The following MYO7B variants were observed in gnomAD, a reference collection of about 807,000 sequenced individuals.
The protein encoded by MYO7B is myosin VIIB.
A neutral mutation model predicts 259.7 loss-of-function variants in MYO7B; 212 were observed. The ratio of observed to expected loss-of-function variants is 0.82; its 90% CI spans 0.73 to 0.91. The LOEUF (loss-of-function observed/expected upper bound fraction) is 0.91, where lower values mean the gene tolerates loss of function less well. MYO7B is among the 40% of genes least tolerant of loss of function. The pLI is 0.00. For missense variants in MYO7B, 2,732 were observed against 2,813.5 expected, an observed-to-expected ratio of 0.97 and a Z score of 0.66; for synonymous variants, 1,197 against 1,166.4, an observed-to-expected ratio of 1.03 and a Z score of -0.54.
Position 127,609,364 on chromosome 2 carries a change from G to A in MYO7B, c.2815-142G>A. 4 of 741,816 alleles carry A rather than the reference G, an allele frequency of 5.4e-6. No homozygotes were observed. Among genetic ancestry groups the A allele is most frequent in the Non-Finnish European group, 9.0e-6 (4 of 444,164 alleles). 46.0% of individuals were successfully genotyped at this position (741,816 alleles called of 1,614,324 possible). On this transcript the variant is annotated intron_variant, in intron 22 of 47. Coordinates refer to ENST00000409816, the MANE Select transcript of MYO7B (RefSeq NM_001393586.1). This position sits in a 1 kb window ranked among gnomAD's most constrained non-coding sequence, Gnocchi z 6.9. The stretch of plus-strand genomic sequence containing the variant: ...GGCAGCCCACCTGAGCCCACTGAAT[G>A]TGGGGATGGGTGGTCTCCAGCACCT...
Position 127,588,518 on chromosome 2 carries a change from C to T in MYO7B, c.1817C>T (p.Thr606Ile). 1 of 1,613,262 alleles carries T rather than the reference C, an allele frequency of 6.2e-7. No homozygotes were observed. Among genetic ancestry groups the T allele is most frequent in the Non-Finnish European group, 8.5e-7 (1 of 1,179,850 alleles). Residue 606 changes from threonine to isoleucine, a missense_variant, in exon 15 of 48, where the codon ACC becomes ATC. This residue lies in a region of MYO7B where 1,906 missense variants were observed against 2,026.4 expected (regional missense o/e 0.94). Coordinates refer to ENST00000409816, the MANE Select transcript of MYO7B (RefSeq NM_001393586.1). ...ELAETKLGHG[T>I]IRQAKAGNHL... ...GCAGAGACCAAGCTGGGCCATGGGACCATCCGCCAGGCAAAGGCAGGAAAC... is the reference window on the plus strand; with the variant it reads ...GCAGAGACCAAGCTGGGCCATGGGATCATCCGCCAGGCAAAGGCAGGAAAC...
chr2:127,602,549 G>T (rs1427905970), intron 19 of MYO7B, among the ~76,000 whole-genome samples: 2 of 152,074 alleles, frequency 1.3e-5, no homozygotes, highest in Non-Finnish European at 1.5e-5. Flanking sequence ...TATTTGGGAG[G>T]CTGAGGTGGA....
chr2:127,583,650 C>A (rs1229593962), intron 12 of MYO7B, among the ~76,000 whole-genome samples: 1 of 152,124 alleles, frequency 6.6e-6, no homozygotes, highest in East Asian at 1.9e-4. Context: ...GGAGGAAGTG[C>A]AGGTTGGAGT....
chr2:127,634,708 G>T (rs747873299), intron 42 of MYO7B, 25 bp downstream of exon 42: 2 of 1,593,936 alleles, frequency 1.3e-6, no homozygotes, highest in African/African-American at 1.4e-5. Flanking sequence ...GTGGAGCTGG[G>T]GGAGGGCGTG....
At position 127,625,407 on chromosome 2, in the gene MYO7B, G is replaced by A. The variant is rs760860620; in HGVS notation, c.4087G>A (p.Val1363Met). The A allele has an allele frequency of 1.7e-5, 27 of 1,606,790 alleles. No homozygotes were observed. Among genetic ancestry groups the A allele is most frequent in the African/African-American group, 5.4e-5 (4 of 74,712 alleles). Residue 1363 changes from valine to methionine, a missense_variant, in exon 31 of 48, where the codon GTG becomes ATG. Physicochemically the swap from Val to Met is conservative, Grantham distance 21. Around this residue, in one of 3 missense-constraint regions of MYO7B, gnomAD observed 1,906 missense variants for 2,026.4 expected, o/e 0.94. Transcript: ENST00000409816. ...LVELLARHCY[V>M]QLGASAESKA... is the part of the protein sequence containing the mutation. ...TGAGCTGCTGGCCCGGCACTGCTAC[G>A]TGCAGCTCGGCGCCTCAGCAGAGAG...
chr2:127,630,683 C>A (rs1030564677), intron 35 of MYO7B, 95 bp from the exon 36 acceptor site: 3 of 1,559,998 alleles, frequency 1.9e-6, no homozygotes, highest in Non-Finnish European at 2.6e-6. Flanking sequence ...CCTGACCCCT[C>A]CCAAGTCACT....
At chr2:127,608,453 G>A (rs1469965297) in intron 21 of MYO7B, among the ~76,000 whole-genome samples, 2 of 152,214 alleles carry the variant, frequency 1.3e-5, no homozygotes, top group Non-Finnish European at 2.9e-5. Flanking sequence ...GCCATCTGAG[G>A]GTAGGGACAA....
chr2:127,584,796 C>T lies in MYO7B; in HGVS notation c.1573C>T (p.Leu525=). The part of the protein sequence containing the change: ...RFPQGTDLTM[L]QKLNSVHANN... ...CTTCCAGGGGACAGATCTCACCATG[C>T]TGCAAAAGCTGAACAGCGTCCATGC... Residue 525 remains leucine, a synonymous_variant, in exon 14 of 48, where the codon CTG becomes TTG. Coordinates refer to ENST00000409816, the MANE Select transcript of MYO7B (RefSeq NM_001393586.1). The surrounding 1 kb of genome is among the most constrained non-coding windows in gnomAD (Gnocchi z 5.8). 1 of 1,613,956 alleles carries T rather than the reference C, an allele frequency of 6.2e-7. No individual in the cohort carries two copies. Among genetic ancestry groups the T allele is most frequent in the South Asian group, 1.1e-5 (1 of 91,086 alleles).
rs1303173378 is a variant in MYO7B, at chr2:127,632,297, C to A, written c.5301C>A (p.Phe1767Leu). 1 of 1,611,692 alleles carries A rather than the reference C, an allele frequency of 6.2e-7. No individual in the cohort carries two copies. Among genetic ancestry groups the A allele is most frequent in the East Asian group, 2.2e-5 (1 of 44,854 alleles). The change falls in exon 39 of 48, where the codon TTC becomes TTA. Residue 1767 changes from phenylalanine (F) to leucine (L), a missense_variant. By Grantham distance (22) the Phe-to-Leu change is conservative. Coordinates refer to ENST00000409816, the MANE Select transcript of MYO7B (RefSeq NM_001393586.1). ...WQLLWLCTGL[F>L]PPSKGLLPHA... ...TGCTGTGGCTGTGCACGGGCCTCTT[C>A]CCGCCCAGCAAGGGGCTGCTGCCCC...
At chr2:127,623,595 C>G (rs1002685793) in intron 29 of MYO7B, among the ~76,000 whole-genome samples, 1 of 152,174 alleles carries the variant, frequency 6.6e-6, no homozygotes, top group African/African-American at 2.4e-5. Context: ...CTTGCAGCTG[C>G]GCCTCAGCCC....
Position 127,578,188 on chromosome 2 carries a change from G to C in MYO7B, c.905G>C (p.Arg302Pro). ...LNDAKDYAHIRSAMKILQFSD... is the reference protein window; with the variant it reads ...LNDAKDYAHIPSAMKILQFSD... ...GACGCCAAGGACTACGCCCACATCC[G>C]CTCGGCCATGAAGATCCTCCAGTTC... The change falls in exon 9 of 48, where the codon CGC (arginine) becomes CCC (proline). Residue 302 changes from arginine (R) to proline (P), a missense_variant. Arg to Pro is a moderately radical substitution (Grantham distance 103). This residue lies in a region of MYO7B where 1,906 missense variants were observed against 2,026.4 expected (regional missense o/e 0.94). Coordinates refer to ENST00000409816, the MANE Select transcript of MYO7B (RefSeq NM_001393586.1). 1 of 1,613,778 alleles carries C rather than the reference G, an allele frequency of 6.2e-7. No homozygotes were observed. The highest frequency in any genetic ancestry group is 1.3e-5 in the African/African-American group (1 of 75,010).
Position 127,573,948 on chromosome 2 carries a change from C to G in MYO7B, c.621C>G (p.Asn207Lys). Residue 207 changes from asparagine (N) to lysine (K), a missense_variant, in exon 7 of 48, where the codon AAC becomes AAG. By Grantham distance (94) the Asn-to-Lys change is moderately conservative (BLOSUM62 0). This residue lies in a region of MYO7B where 1,906 missense variants were observed against 2,026.4 expected (regional missense o/e 0.94). Coordinates refer to ENST00000409816, the MANE Select transcript of MYO7B (RefSeq NM_001393586.1). ...EAFGNAKTIR[N>K]DNSSRFGKYI... ...TTGGAAATGCCAAGACAATCCGCAA[C>G]GACAACTCAAGCCGCTTTGGGAAGT... 6.2e-7 allele frequency: 1 copy of G among 1,614,058 alleles called. No individual in the cohort carries two copies. The highest frequency in any genetic ancestry group is 8.5e-7 in the Non-Finnish European group (1 of 1,179,892).
At position 127,597,808 on chromosome 2, in the gene MYO7B, T is replaced by C. The variant is rs2104995113; in HGVS notation, c.2339+1252T>C. 6.6e-6 allele frequency among the ~76,000 whole-genome samples: 1 copy of C among 152,014 alleles called. No individual in the cohort carries two copies. Among genetic ancestry groups the C allele is most frequent in the Admixed American group, 6.6e-5 (1 of 15,250 alleles). ...GCCCGCCACCATGCCTGGCTAATTA[T>C]TGTATTTTTTGTAGAGATGGGGTTT... is the stretch of plus-strand genomic sequence containing the variant. On this transcript the variant is annotated intron_variant, in intron 19 of 47. Coordinates refer to ENST00000409816, the MANE Select transcript of MYO7B (RefSeq NM_001393586.1). The surrounding 1 kb of genome is among the most constrained non-coding windows in gnomAD (Gnocchi z 4.8).
At chr2:127,538,475 C>T (rs1305632061) in intron 1 of MYO7B, among the ~76,000 whole-genome samples, 1 of 152,126 alleles carries the variant, frequency 6.6e-6, no homozygotes, top group Non-Finnish European at 1.5e-5. Context: ...ACAGTGCAAC[C>T]TAGAGGGTCT....
In MYO7B at chr2:127,584,201, G is replaced by C. The variant is rs956866460; in HGVS notation, c.1423G>C (p.Glu475Gln). 6.2e-7 allele frequency: 1 copy of C among 1,613,980 alleles called. No homozygotes were observed. The highest frequency in any genetic ancestry group is 8.5e-7 in the Non-Finnish European group (1 of 1,179,882). Reference protein sequence around the residue: ...FVQHVFTMEQEEYRSENISWD... With the variant: ...FVQHVFTMEQQEYRSENISWD... Reference sequence around the variant, plus strand: ...GCAGCACGTGTTCACCATGGAGCAAGAGGAGTACCGCTCGGAGAACATCTC... The same window carrying C: ...GCAGCACGTGTTCACCATGGAGCAACAGGAGTACCGCTCGGAGAACATCTC... The change falls in exon 13 of 48, where the codon GAG becomes CAG. Residue 475 changes from glutamate to glutamine, a missense_variant. Glu to Gln is a conservative substitution (Grantham distance 29). Coordinates refer to ENST00000409816, the MANE Select transcript of MYO7B (RefSeq NM_001393586.1). The surrounding 1 kb of genome is among the most constrained non-coding windows in gnomAD (Gnocchi z 5.8).
At chr2:127,593,255 TAGA>T (rs1179850891) in intron 17 of MYO7B, among the ~76,000 whole-genome samples, 4 of 152,204 alleles carry the variant, frequency 2.6e-5, no homozygotes, top group Non-Finnish European at 5.9e-5. Context: ...GAGGTGTGGC[TAGA>T]AAGCTACTGG....
chr2:127,626,639 C>T (rs115429397), intron 31 of MYO7B: 22,408 of 203,620 alleles, frequency 0.11, 1,641 homozygotes, highest in Middle Eastern at 0.19. Flanking sequence ...ATTAGCCAGG[C>T]GCAGTGGCAC....
Position 127,615,713 on chromosome 2 carries a change from C to T in MYO7B, c.3398+3110C>T, listed in dbSNP as rs1680543867. ...TTTTATGAGAACAGTTTGCTGTTTG[C>T]TCATATAGCCTCCAGTGGTATACTA... is the stretch of plus-strand genomic sequence containing the variant. On this transcript the variant is annotated intron_variant, in intron 26 of 47. Transcript: ENST00000409816. The surrounding 1 kb of genome is among the most constrained non-coding windows in gnomAD (Gnocchi z 4.4). Among the ~76,000 whole-genome samples the T allele has an allele frequency of 1.3e-5, 2 of 151,920 alleles. No homozygotes were observed. Among genetic ancestry groups the T allele is most frequent in the Non-Finnish European group, 2.9e-5 (2 of 68,000 alleles).
Position 127,588,500 on chromosome 2 carries a change from C to T in MYO7B, c.1799C>T (p.Thr600Ile). The T allele has an allele frequency of 6.2e-7, 1 of 1,613,304 alleles. No individual in the cohort carries two copies. Among genetic ancestry groups the T allele is most frequent in the Non-Finnish European group, 8.5e-7 (1 of 1,179,866 alleles). Residue 600 changes from threonine to isoleucine, a missense_variant, in exon 15 of 48, where the codon ACC becomes ATC. Thr to Ile is a moderately conservative substitution (Grantham distance 89). Around this residue, in one of 3 missense-constraint regions of MYO7B, gnomAD observed 1,906 missense variants for 2,026.4 expected, o/e 0.94. Coordinates refer to ENST00000409816, the MANE Select transcript of MYO7B (RefSeq NM_001393586.1). Reference protein sequence around the residue: ...REIFNLELAETKLGHGTIRQA... With the variant: ...REIFNLELAEIKLGHGTIRQA... ...ATATTCAACTTGGAGTTAGCAGAGA[C>T]CAAGCTGGGCCATGGGACCATCCGC...
Sources: gnomAD v4.1 joint callset for allele counts (sites outside exome capture counted in the v4.1 genomes callset) on GRCh38, gnomAD v4.1.1 for gene constraint, gnomAD v4.1.1 regional missense constraint, Gnocchi (gnomAD v3.1) non-coding constraint, MANE v1.5 for transcripts, NCBI Gene and HGNC (gene_info 2026-07-23, HGNC 2026-07-21) for gene names.